Variants in MTRF1 observed in about 807,000 individuals in gnomAD.
The protein encoded by MTRF1 is peptide chain release factor 1, mitochondrial.
Under a neutral mutation model 62.9 loss-of-function variants are expected in MTRF1, and 51 were observed. The observed-to-expected ratio is 0.81, with a 90% confidence interval of 0.65 to 1.02. MTRF1 has a LOEUF of 1.02. MTRF1 is among the 50% of genes least tolerant of loss of function. MTRF1 has a pLI of 0.00. For synonymous variants in MTRF1, 158 were observed against 181.9 expected, an observed-to-expected ratio of 0.87 and a Z score of 1.06; for missense variants, 446 against 530.0, an observed-to-expected ratio of 0.84 and a Z score of 1.56.
chr13:41,270,160 T>C, the MTRF1 span, among the ~76,000 whole-genome samples: 1 of 152,236 alleles, frequency 6.6e-6, no homozygotes, highest in Non-Finnish European at 1.5e-5. Flanking sequence ...TGAAACTTTA[T>C]AGTATTTGGT....
At chr13:41,263,941 A>G (rs2040742172), upstream of MTRF1, among the ~76,000 whole-genome samples, 2 of 152,166 alleles carry the variant, frequency 1.3e-5, no homozygotes, top group South Asian at 4.1e-4. Context: ...CCAAATGTGG[A>G]GTTTTTGGTT....
In MTRF1 at chr13:41,252,658, T is replaced by C; in HGVS notation, c.684A>G (p.Thr228=). The change falls in exon 5 of 10, where the codon ACA becomes ACG. Residue 228 remains threonine, a synonymous_variant. Coordinates refer to ENST00000379480, the MANE Select transcript of MTRF1 (RefSeq NM_004294.4). ...KHWQFELLNY[T]PADYGGLHHA... is the part of the protein sequence containing the mutation. ...CAATATGCCTACCATAATCTGCTGGTGTATAATTCAGAAGTTCAAATTGCC... is the reference window on the plus strand; with the variant it reads ...CAATATGCCTACCATAATCTGCTGGCGTATAATTCAGAAGTTCAAATTGCC... 6.2e-7 allele frequency: 1 copy of C among 1,611,182 alleles called. No homozygotes were observed. Among genetic ancestry groups the C allele is most frequent in the Non-Finnish European group, 8.5e-7 (1 of 1,177,632 alleles).
chr13:41,243,404 CA>C (rs371273057), intron 5 of MTRF1, among the ~76,000 whole-genome samples: 7,552 of 76,408 alleles, frequency 0.099, 131 homozygotes, highest in Non-Finnish European at 0.11. Context: ...GACCCTGTCT[CA>C]AAAAAAAAAA....
At chr13:41,234,691 T>C (rs974697147) in intron 6 of MTRF1, among the ~76,000 whole-genome samples, 14 of 152,244 alleles carry the variant, frequency 9.2e-5, no homozygotes, top group African/African-American at 2.9e-4. Context: ...TTTATTTGTA[T>C]CCACAAATCA....
At chr13:41,229,864 G>A (rs944211482) in intron 7 of MTRF1, among the ~76,000 whole-genome samples, 3 of 152,164 alleles carry the variant, frequency 2.0e-5, no homozygotes, top group Admixed American at 6.5e-5. Context: ...ACTTTGGGAG[G>A]CCGAGGTGGG....
chr13:41,220,401 C>A, intron 9 of MTRF1: 8 of 240,604 alleles, frequency 3.3e-5, no homozygotes, highest in East Asian at 1.3e-4. Context: ...TCCAGTGTAA[C>A]TGGAATATAG....
chr13:41,244,405 G>A (rs1316109450), intron 5 of MTRF1, among the ~76,000 whole-genome samples: 1 of 152,112 alleles, frequency 6.6e-6, no homozygotes, highest in Non-Finnish European at 1.5e-5. Flanking sequence ...CGTTCTAGCT[G>A]GGTATTTTCA....
At chr13:41,275,495 C>T in the MTRF1 span, among the ~76,000 whole-genome samples, 389 of 136,792 alleles carry the variant, frequency 2.8e-3, no homozygotes, top group African/African-American at 9.9e-3. Context: ...CCACCGTGCC[C>T]GGCTTTTTTT....
At chr13:41,229,629 G>A (rs2035144587) in intron 7 of MTRF1, 1 of 152,082 alleles carries the variant, frequency 6.6e-6, no homozygotes, top group African/African-American at 2.4e-5. Context: ...TCAGAGTTTT[G>A]ATCACCTTTT....
Position 41,254,632 on chromosome 13 carries a change from A to G in MTRF1, c.416-12T>C, listed in dbSNP as rs2039484466. 1 of 1,595,202 alleles carries G rather than the reference A, an allele frequency of 6.3e-7. No homozygotes were observed. Among genetic ancestry groups the G allele is most frequent in the South Asian group, 1.1e-5 (1 of 90,108 alleles). ...TTGTTTATTTAGGCCTAAAAGCCAGAAACAGAAATAATGATAAAGTTTTTA... is the reference window on the plus strand; with the variant it reads ...TTGTTTATTTAGGCCTAAAAGCCAGGAACAGAAATAATGATAAAGTTTTTA... On this transcript the variant is annotated splice_polypyrimidine_tract_variant and intron_variant, in intron 2 of 9. Coordinates refer to ENST00000379480, the MANE Select transcript of MTRF1 (RefSeq NM_004294.4).
the MTRF1 span, chr13:41,311,187 C>T: frequency 2.3e-6 from 1 of 442,406 alleles, no homozygotes; most frequent in East Asian, 4.6e-5. Flanking sequence ...CCCCCGTAGT[C>T]ACCCGCAGCC....
At chr13:41,258,578 A>AAACAAAAAC (rs1325649729) in intron 2 of MTRF1, among the ~76,000 whole-genome samples, 2 of 126,126 alleles carry the variant, frequency 1.6e-5, no homozygotes, top group African/African-American at 6.7e-5. Flanking sequence ...AAAAAAACAA[A>AAACAAAAAC]AAAAAAAAAC....
intron 6 of MTRF1, among the ~76,000 whole-genome samples, chr13:41,239,624 T>G (rs1879572657): frequency 6.6e-6 from 1 of 152,146 alleles, no homozygotes. Context: ...ACTAAAAAGA[T>G]AGATACATGG....
chr13:41,277,129 C>CTT, the MTRF1 span, among the ~76,000 whole-genome samples: 6,885 of 142,048 alleles, frequency 0.048, 228 homozygotes, highest in Non-Finnish European at 0.069. Flanking sequence ...ATCAATTAAA[C>CTT]TTTTTTTTTT....
At chr13:41,267,165 T>C (rs1433168527), upstream of MTRF1, among the ~76,000 whole-genome samples, 1 of 152,154 alleles carries the variant, frequency 6.6e-6, no homozygotes, top group Non-Finnish European at 1.5e-5. Context: ...TCTTTTTTTT[T>C]CCTTGCAATG....
At chr13:41,288,694 T>C in the MTRF1 span, among the ~76,000 whole-genome samples, 1 of 152,210 alleles carries the variant, frequency 6.6e-6, no homozygotes, top group African/African-American at 2.4e-5. Flanking sequence ...TTAGTGAGTA[T>C]TTTTCACTTT....
At chr13:41,255,017 ACTAG>A (rs1465515484) in intron 2 of MTRF1, among the ~76,000 whole-genome samples, 1 of 152,218 alleles carries the variant, frequency 6.6e-6, no homozygotes, top group Non-Finnish European at 1.5e-5. Context: ...TTAAAAAGCT[ACTAG>A]CTAATTAAAT....
upstream of MTRF1, among the ~76,000 whole-genome samples, chr13:41,267,265 TC>T (rs1566204901): frequency 6.6e-6 from 1 of 152,206 alleles, no homozygotes; most frequent in African/African-American, 2.4e-5. Flanking sequence ...TGTCCTTTGT[TC>T]CCTGTATCTC....
At chr13:41,309,815 G>A in the MTRF1 span, among the ~76,000 whole-genome samples, 1 of 152,088 alleles carries the variant, frequency 6.6e-6, no homozygotes, top group Non-Finnish European at 1.5e-5. Flanking sequence ...TGACCAACAT[G>A]GAGAAACCCC....
Sources: gnomAD v4.1 joint callset for allele counts (sites outside exome capture counted in the v4.1 genomes callset) on GRCh38, gnomAD v4.1.1 for gene constraint, MANE v1.5 for transcripts, NCBI Gene and HGNC (gene_info 2026-07-23, HGNC 2026-07-21) for gene names.